The following ADAM32 variants were observed in gnomAD, a reference collection of about 807,000 sequenced individuals.
ADAM32 encodes ADAM metallopeptidase domain 32, also known as disintegrin and metalloproteinase domain-containing protein 32.
In ADAM32, 89 loss-of-function variants were observed where a neutral mutation model predicts 114.9. The ratio of observed to expected loss-of-function variants is 0.77; its 90% CI spans 0.65 to 0.92. The LOEUF (loss-of-function observed/expected upper bound fraction) is 0.92. ADAM32 is among the 40% of genes least tolerant of loss of function. ADAM32 has a pLI of 0.00. For synonymous variants in ADAM32, 285 were observed against 307.5 expected, an observed-to-expected ratio of 0.93 and a Z score of 0.77; for missense variants, 870 against 932.8, an observed-to-expected ratio of 0.93 and a Z score of 0.88.
chr8:39,243,830 G>A (rs1206538661), intron 16 of ADAM32, among the ~76,000 whole-genome samples: 2 of 152,106 alleles, frequency 1.3e-5, no homozygotes, highest in Admixed American at 1.3e-4. Context: ...AATTGATGAT[G>A]AGGAAGTCAA....
At chr8:39,140,395 T>C (rs549173811) in intron 3 of ADAM32, among the ~76,000 whole-genome samples, 1 of 152,370 alleles carries the variant, frequency 6.6e-6, no homozygotes, top group South Asian at 2.1e-4. Context: ...AGGCCTTTTC[T>C]GCATCTATTG....
At chr8:39,110,100 T>C (rs1840098240) in intron 1 of ADAM32, among the ~76,000 whole-genome samples, 2 of 152,242 alleles carry the variant, frequency 1.3e-5, no homozygotes, top group African/African-American at 4.8e-5. Context: ...GATGGTGTCT[T>C]ACTCTGTCGC....
intron 11 of ADAM32, among the ~76,000 whole-genome samples, chr8:39,197,664 A>G (rs1334472299): frequency 6.6e-6 from 1 of 152,114 alleles, no homozygotes; most frequent in African/African-American, 2.4e-5. Context: ...TTTATTTCAT[A>G]TGGTCTAAGA....
intron 11 of ADAM32, among the ~76,000 whole-genome samples, chr8:39,209,193 T>G (rs1048209639): frequency 5.3e-5 from 8 of 152,210 alleles, no homozygotes; most frequent in Admixed American, 4.6e-4. Flanking sequence ...TTTTTCTTCT[T>G]GACATATTTT....
At chr8:39,111,273 G>A (rs1364609599) in intron 1 of ADAM32, among the ~76,000 whole-genome samples, 1 of 152,150 alleles carries the variant, frequency 6.6e-6, no homozygotes, top group Non-Finnish European at 1.5e-5. Flanking sequence ...GAAACTGTTA[G>A]GCTCAGTGGT....
At chr8:39,254,333 T>C (rs1025983901) in intron 17 of ADAM32, 81 bp from the exon 18 acceptor site, 3 of 1,178,294 alleles carry the variant, frequency 2.5e-6, no homozygotes, top group Non-Finnish European at 3.6e-6. Flanking sequence ...CACTAGATTA[T>C]GGTACAAAAG....
chr8:39,197,582 A>G (rs1807094246), intron 11 of ADAM32, among the ~76,000 whole-genome samples: 1 of 152,126 alleles, frequency 6.6e-6, no homozygotes, highest in Non-Finnish European at 1.5e-5. Flanking sequence ...CCCAATGGTT[A>G]TTCAGGAGCA....
At chr8:39,147,303 A>T (rs1447983856) in intron 4 of ADAM32, 98 bp downstream of exon 4, 2 of 498,290 alleles carry the variant, frequency 4.0e-6, no homozygotes, top group East Asian at 1.3e-4. Context: ...CACAGGGGAT[A>T]TATTTAAGAC....
intron 19 of ADAM32, among the ~76,000 whole-genome samples, chr8:39,260,599 T>C (rs2129450862): frequency 6.6e-6 from 1 of 152,268 alleles, no homozygotes; most frequent in East Asian, 1.9e-4. Flanking sequence ...CAAATATAAA[T>C]CCCACTTGAT....
intron 12 of ADAM32, among the ~76,000 whole-genome samples, chr8:39,211,832 T>A (rs1808241493): frequency 1.3e-5 from 2 of 152,188 alleles, no homozygotes; most frequent in Admixed American, 1.3e-4. Flanking sequence ...ATTCAGTATT[T>A]GTAGCAGTAC....
At chr8:39,156,086 A>C (rs1030987469) in intron 6 of ADAM32, among the ~76,000 whole-genome samples, 4 of 152,140 alleles carry the variant, frequency 2.6e-5, no homozygotes, top group Admixed American at 6.5e-5. Context: ...TGTTTGATAC[A>C]TTTTCTCTTA....
intron 12 of ADAM32, among the ~76,000 whole-genome samples, chr8:39,216,719 A>G (rs2129448593): frequency 6.6e-6 from 1 of 152,234 alleles, no homozygotes; most frequent in South Asian, 2.1e-4. Flanking sequence ...ACAAGCAAAA[A>G]GAAGGCTAAT....
intron 19 of ADAM32, among the ~76,000 whole-genome samples, chr8:39,268,432 A>G (rs1812500962): frequency 6.6e-6 from 1 of 152,112 alleles, no homozygotes; most frequent in African/African-American, 2.4e-5. Flanking sequence ...CCTTTTTATC[A>G]TATTTTTCAA....
chr8:39,204,489 T>C (rs927386506), intron 11 of ADAM32, among the ~76,000 whole-genome samples: 4 of 152,232 alleles, frequency 2.6e-5, no homozygotes, highest in Non-Finnish European at 5.9e-5. Context: ...CATCAGGTCA[T>C]TTAAGGACTT....
chr8:39,127,297 C>A (rs999849976), intron 2 of ADAM32, among the ~76,000 whole-genome samples: 1 of 152,090 alleles, frequency 6.6e-6, no homozygotes, highest in Non-Finnish European at 1.5e-5. Context: ...AGCTTTGATT[C>A]CATCTGGTCC....
intron 1 of ADAM32, among the ~76,000 whole-genome samples, chr8:39,109,352 C>G (rs879432864): frequency 2.0e-5 from 3 of 151,828 alleles, no homozygotes; most frequent in Admixed American, 1.3e-4. Context: ...TTGAAATCAG[C>G]CTGGCCAACA....
intron 2 of ADAM32, among the ~76,000 whole-genome samples, chr8:39,126,016 T>A (rs1416109664): frequency 6.6e-6 from 1 of 152,184 alleles, no homozygotes; most frequent in Non-Finnish European, 1.5e-5. Flanking sequence ...GTTCCGTTGG[T>A]CAATGTGTCT....
At chr8:39,180,522 C>T (rs1025620012) in intron 10 of ADAM32, among the ~76,000 whole-genome samples, 8 of 152,362 alleles carry the variant, frequency 5.3e-5, no homozygotes, top group South Asian at 2.1e-4. Context: ...GAGCACATGG[C>T]GCGGGACTGG....
rs550837260 is a variant in ADAM32, at chr8:39,157,711, G to A, written c.526-3186G>A. 1.1e-4 allele frequency: 114 copies of A among 1,050,136 alleles called. 1 individual carries two copies. The highest frequency in any genetic ancestry group is 9.1e-4 in the South Asian group (72 of 79,140). 65.1% of individuals were successfully genotyped at this position (1,050,136 alleles called of 1,614,324 possible). A position where few individuals can be genotyped will look rare whatever the true frequency, so the allele number is the denominator to read the frequency against. On this transcript the variant is annotated intron_variant, in intron 6 of 24. Coordinates refer to ENST00000379907, the MANE Select transcript of ADAM32 (RefSeq NM_145004.7). ...GCATCAAGACTTGTGGAGGATGAGC[G>A]CTTGCCTCTTAGTTCCCACCACACA...
Sources: gnomAD v4.1 joint callset for allele counts (sites outside exome capture counted in the v4.1 genomes callset) on GRCh38, gnomAD v4.1.1 for gene constraint, MANE v1.5 for transcripts, NCBI Gene and HGNC (gene_info 2026-07-23, HGNC 2026-07-21) for gene names.